GUCY1A1: variants seen among roughly 807,000 people sequenced by gnomAD.
GUCY1A1 encodes the protein guanylate cyclase soluble subunit alpha-1.
A neutral mutation model predicts 64.5 loss-of-function variants in GUCY1A1; 48 were observed. The observed-to-expected ratio is 0.74, with a 90% CI of 0.59 to 0.95. The LOEUF is 0.95. Among genes scored for constraint, GUCY1A1 ranks in the 40% least tolerant of loss-of-function variants. The pLI, the probability that GUCY1A1 is intolerant of heterozygous loss-of-function variation, is 0.00. For synonymous variants in GUCY1A1, 308 were observed against 303.4 expected, an observed-to-expected ratio of 1.02 and a Z score of -0.16; for missense variants, 804 against 825.3, an observed-to-expected ratio of 0.97 and a Z score of 0.32.
In GUCY1A1 at chr4:155,722,018, A is replaced by G. The variant is rs1734024327; in HGVS notation, c.1717-20A>G. 8 of 1,529,752 alleles carry G rather than the reference A, an allele frequency of 5.2e-6. No individual in the cohort carries two copies. Among genetic ancestry groups the G allele is most frequent in the Admixed American group, 1.7e-5 (1 of 59,686 alleles). The allele number at this position is 1,529,752 out of a possible 1,614,324, so 94.8% of individuals were successfully genotyped here. A position where few individuals can be genotyped will look rare whatever the true frequency, so the allele number is the denominator to read the frequency against. ...TGTTTTACCAGTGACTGGGAACATCATGTTATTTTTTGCTTTCAGATGCGA... is the reference window on the plus strand; with the variant it reads ...TGTTTTACCAGTGACTGGGAACATCGTGTTATTTTTTGCTTTCAGATGCGA... On this transcript the variant is annotated intron_variant, in intron 8 of 9. Coordinates refer to ENST00000506455, the MANE Select transcript of GUCY1A1 (RefSeq NM_001130682.3).
chr4:155,705,636 T>C (rs186973630), intron 4 of GUCY1A1, among the ~76,000 whole-genome samples: 1 of 152,240 alleles, frequency 6.6e-6, no homozygotes, highest in East Asian at 1.9e-4. Flanking sequence ...ATACTGGTGT[T>C]GAAATTTGCA....
chr4:155,693,382 C>T (rs1047980009), intron 2 of GUCY1A1, among the ~76,000 whole-genome samples: 1 of 152,160 alleles, frequency 6.6e-6, no homozygotes, highest in Non-Finnish European at 1.5e-5. Flanking sequence ...TACCATGTTA[C>T]TACCATCTCT....
At chr4:155,668,931 A>T (rs1472044887) in intron 2 of GUCY1A1, among the ~76,000 whole-genome samples, 1 of 152,194 alleles carries the variant, frequency 6.6e-6, no homozygotes, top group Non-Finnish European at 1.5e-5. Flanking sequence ...TTTAAACATT[A>T]GAGTGGCTGC....
intron 4 of GUCY1A1, among the ~76,000 whole-genome samples, chr4:155,705,886 G>C (rs921439152): frequency 1.3e-5 from 2 of 152,056 alleles, no homozygotes; most frequent in African/African-American, 4.8e-5. Context: ...GTTTACACGA[G>C]TAACATGAGA....
chr4:155,701,346 G>A (rs1731058898), intron 3 of GUCY1A1, among the ~76,000 whole-genome samples: 2 of 152,042 alleles, frequency 1.3e-5, no homozygotes, highest in South Asian at 2.1e-4. Flanking sequence ...AAAATGGAAA[G>A]CCAAACATAC....
At chr4:155,727,280 A>AT (rs977709193) in intron 9 of GUCY1A1, among the ~76,000 whole-genome samples, 1 of 151,778 alleles carries the variant, frequency 6.6e-6, no homozygotes, top group Non-Finnish European at 1.5e-5. Context: ...ATATATTCTG[A>AT]TTTTTTAAAA....
chr4:155,670,645 A>G (rs1251109597), intron 2 of GUCY1A1, among the ~76,000 whole-genome samples: 1 of 152,216 alleles, frequency 6.6e-6, no homozygotes, highest in Non-Finnish European at 1.5e-5. Flanking sequence ...GAGAATGGCT[A>G]CATCTTAAAA....
chr4:155,700,350 AAG>A (rs1469873275), intron 3 of GUCY1A1, among the ~76,000 whole-genome samples: 1 of 152,198 alleles, frequency 6.6e-6, no homozygotes, highest in Non-Finnish European at 1.5e-5. Context: ...AAAGAAGAAA[AAG>A]AAACAGTATT....
At chr4:155,674,949 T>G (rs1448500313) in intron 2 of GUCY1A1, among the ~76,000 whole-genome samples, 2 of 151,620 alleles carry the variant, frequency 1.3e-5, no homozygotes, top group Non-Finnish European at 2.9e-5. Flanking sequence ...ACAGTAGGTT[T>G]GCCTGCACGA....
intron 7 of GUCY1A1, among the ~76,000 whole-genome samples, chr4:155,716,671 G>A (rs1733274345): frequency 6.6e-6 from 1 of 151,996 alleles, no homozygotes; most frequent in African/African-American, 2.4e-5. Context: ...TTACTCTTAT[G>A]ACTATTAATA....
chr4:155,728,874 C>A (rs982396076), intron 9 of GUCY1A1, among the ~76,000 whole-genome samples: 4 of 151,862 alleles, frequency 2.6e-5, no homozygotes, highest in Non-Finnish European at 5.9e-5. Context: ...GAAGCTTATA[C>A]TTTTAATACT....
intron 8 of GUCY1A1, among the ~76,000 whole-genome samples, chr4:155,720,099 G>C (rs1733763260): frequency 6.6e-6 from 1 of 152,128 alleles, no homozygotes; most frequent in East Asian, 1.9e-4. Context: ...GGCATGGAAG[G>C]ACTAGGAGGG....
At chr4:155,718,620 A>C (rs1733569227) in intron 8 of GUCY1A1, among the ~76,000 whole-genome samples, 3 of 152,122 alleles carry the variant, frequency 2.0e-5, no homozygotes, top group Admixed American at 1.3e-4. Context: ...CTTCACTTAC[A>C]TGTCAGATTC....
At chr4:155,673,303 C>A (rs1386326835) in intron 2 of GUCY1A1, among the ~76,000 whole-genome samples, 1 of 151,536 alleles carries the variant, frequency 6.6e-6, no homozygotes, top group Non-Finnish European at 1.5e-5. Flanking sequence ...ATGACACACA[C>A]TCCTTGACTT....
Position 155,717,545 on chromosome 4 carries a change from T to C in GUCY1A1, c.1716+243T>C, listed in dbSNP as rs115550646. The stretch of plus-strand genomic sequence containing the variant: ...ATCTATAAGTTGGGCTTTCAAAAAA[T>C]GTTTCCCATAGTATAGGGATTTTCT... On this transcript the variant is annotated intron_variant, in intron 8 of 9. Transcript: ENST00000506455. Among the ~76,000 whole-genome samples the C allele has an allele frequency of 9.8e-3, 1,485 of 152,292 alleles. 34 individuals carry two copies. The highest frequency in any genetic ancestry group is 0.034 in the African/African-American group (1,421 of 41,564).
chr4:155,701,347 C>A (rs889962809), intron 3 of GUCY1A1, among the ~76,000 whole-genome samples: 3 of 151,948 alleles, frequency 2.0e-5, no homozygotes, highest in Non-Finnish European at 4.4e-5. Context: ...AAATGGAAAG[C>A]CAAACATACA....
intron 7 of GUCY1A1, among the ~76,000 whole-genome samples, chr4:155,715,433 A>G (rs1204704843): frequency 2.6e-5 from 4 of 152,050 alleles, no homozygotes; most frequent in Non-Finnish European, 5.9e-5. Flanking sequence ...GTTTCAGCGA[A>G]TATGTACTGG....
chr4:155,688,534 T>C (rs1477128344), intron 2 of GUCY1A1, among the ~76,000 whole-genome samples: 1 of 152,256 alleles, frequency 6.6e-6, no homozygotes, highest in Non-Finnish European at 1.5e-5. Context: ...TAAATTATAA[T>C]GTACTCTGTG....
At chr4:155,726,775 C>T (rs183857670) in intron 9 of GUCY1A1, among the ~76,000 whole-genome samples, 8 of 151,890 alleles carry the variant, frequency 5.3e-5, no homozygotes, top group East Asian at 1.9e-4. Context: ...GGATAATATT[C>T]GACATTTTGT....
Sources: allele counts gnomAD v4.1 joint callset (sites outside exome capture counted in the v4.1 genomes callset), GRCh38; gene constraint gnomAD v4.1.1; transcripts MANE v1.5; gene names NCBI Gene and HGNC (gene_info 2026-07-23, HGNC 2026-07-21).